SERPINB7: variants seen among roughly 807,000 people sequenced by gnomAD.
SERPINB7 encodes the protein serpin B7.
In SERPINB7, 31 loss-of-function variants were observed where a neutral mutation model predicts 37.4. The ratio of observed to expected loss-of-function variants is 0.83; its 90% CI spans 0.62 to 1.12. The LOEUF is 1.12. Among genes scored for constraint, SERPINB7 ranks in the 50% most tolerant of loss-of-function variants. The probability of loss-of-function intolerance (pLI) is 0.00; values close to 1 mark genes in which losing one functional copy is unlikely to be tolerated. For synonymous variants in SERPINB7, 163 were observed against 166.1 expected (o/e 0.98, Z 0.14); for missense variants, 521 against 455.3 (o/e 1.14, Z -1.31).
chr18:63,781,288 C>T (rs1287174920), intron 1 of SERPINB7, among the ~76,000 whole-genome samples: 1 of 152,128 alleles, frequency 6.6e-6, no homozygotes, highest in Admixed American at 6.5e-5. Flanking sequence ...TATGCTAGAT[C>T]CTGTACATAG....
intron 1 of SERPINB7, among the ~76,000 whole-genome samples, chr18:63,765,695 T>C (rs1568200972): frequency 6.6e-6 from 1 of 152,152 alleles, no homozygotes; most frequent in Non-Finnish European, 1.5e-5. Flanking sequence ...GCTCCATTCT[T>C]ATATTTTAGA....
Position 63,775,449 on chromosome 18 carries a change from G to C in SERPINB7, c.-286G>C, listed in dbSNP as rs2049238017. Reference sequence around the variant, plus strand: ...AAGCAGCTGCCTGTGCAGAGTGCAGGCTGCACCTTTGGACAGCCTTTAAAA... The same window carrying C: ...AAGCAGCTGCCTGTGCAGAGTGCAGCCTGCACCTTTGGACAGCCTTTAAAA... On this transcript the variant is annotated 5_prime_UTR_variant, in exon 1 of 8. Coordinates refer to ENST00000398019, the MANE Select transcript of SERPINB7 (RefSeq NM_003784.4). 1 of 152,172 alleles carries C rather than the reference G, an allele frequency of 6.6e-6. No individual in the cohort carries two copies. Among genetic ancestry groups the C allele is most frequent in the Non-Finnish European group, 1.5e-5 (1 of 68,030 alleles). The allele number at this position is 152,172 out of a possible 1,614,324, so 9.4% of individuals were successfully genotyped here. A position where few individuals can be genotyped will look rare whatever the true frequency, so the allele number is the denominator to read the frequency against.
chr18:63,765,672 C>A (rs1275590312), intron 1 of SERPINB7, among the ~76,000 whole-genome samples: 2 of 152,076 alleles, frequency 1.3e-5, no homozygotes, highest in Non-Finnish European at 1.5e-5. Context: ...TCCTCTCCTG[C>A]TCATATACTG....
Position 63,793,210 on chromosome 18 carries a change from C to G in SERPINB7, c.269C>G (p.Ser90Cys). ...LKRVFSDINA[S>C]HKDYDLSIVN... ...AGAGTTTTTTCTGATATAAATGCATCCCACAAGGATTATGATCTCAGCATT... is the reference window on the plus strand; with the variant it reads ...AGAGTTTTTTCTGATATAAATGCATGCCACAAGGATTATGATCTCAGCATT... Residue 90 changes from serine to cysteine, a missense_variant, in exon 4 of 8, where the codon TCC (serine) becomes TGC (cysteine). Ser to Cys is a moderately radical substitution (Grantham distance 112, BLOSUM62 -1). Coordinates refer to ENST00000398019, the MANE Select transcript of SERPINB7 (RefSeq NM_003784.4). 6.2e-7 allele frequency: 1 copy of G among 1,606,970 alleles called. No individual in the cohort carries two copies. The highest frequency in any genetic ancestry group is 8.5e-7 in the Non-Finnish European group (1 of 1,175,914).
chr18:63,768,072 G>C (rs1247896309), intron 1 of SERPINB7, among the ~76,000 whole-genome samples: 2 of 152,022 alleles, frequency 1.3e-5, no homozygotes, highest in African/African-American at 4.8e-5. Flanking sequence ...TTTAGTGACA[G>C]TCTCGTTAGG....
intron 1 of SERPINB7, among the ~76,000 whole-genome samples, chr18:63,762,486 G>A (rs2049159674): frequency 6.6e-6 from 1 of 152,154 alleles, no homozygotes; most frequent in South Asian, 2.1e-4. Flanking sequence ...GGTGCTTGAA[G>A]ACACTGAGGC....
At chr18:63,773,006 T>C (rs1462093645), upstream of SERPINB7, among the ~76,000 whole-genome samples, 8 of 152,108 alleles carry the variant, frequency 5.3e-5, no homozygotes, top group Non-Finnish European at 1.2e-4. Flanking sequence ...GGAGGAATTA[T>C]AGCAAAAAGA....
intron 2 of SERPINB7, among the ~76,000 whole-genome samples, chr18:63,785,557 T>C (rs999245483): frequency 6.6e-6 from 1 of 152,128 alleles, no homozygotes; most frequent in Non-Finnish European, 1.5e-5. Flanking sequence ...ATATATAGTA[T>C]AGAGTAAATA....
chr18:63,773,992 A>G (rs1299996560), upstream of SERPINB7, among the ~76,000 whole-genome samples: 2 of 152,092 alleles, frequency 1.3e-5, no homozygotes, highest in Non-Finnish European at 2.9e-5. Flanking sequence ...TTATATCCTC[A>G]GTAGGTAAGA....
intron 1 of SERPINB7, among the ~76,000 whole-genome samples, chr18:63,780,416 A>G (rs1214842984): frequency 6.6e-6 from 1 of 152,190 alleles, no homozygotes; most frequent in Admixed American, 6.5e-5. Context: ...GGTCAAAAAT[A>G]TGAATTGAAT....
chr18:63,786,712 A>G (rs2144621601), intron 2 of SERPINB7, among the ~76,000 whole-genome samples: 1 of 152,294 alleles, frequency 6.6e-6, no homozygotes, highest in Non-Finnish European at 1.5e-5. Flanking sequence ...TGAATTCATA[A>G]ACCATTTATC....
intron 3 of SERPINB7, 65 bp from the exon 4 acceptor site, chr18:63,793,096 G>C (rs2049446233): frequency 1.2e-6 from 1 of 820,588 alleles, no homozygotes; most frequent in Admixed American, 2.5e-5. Flanking sequence ...TGTTTTATGT[G>C]TAAGTGAGAT....
chr18:63,800,245 A>G (rs1055256851), intron 6 of SERPINB7, among the ~76,000 whole-genome samples: 1 of 151,740 alleles, frequency 6.6e-6, no homozygotes, highest in African/African-American at 2.4e-5. Flanking sequence ...TATTTTTAGT[A>G]GAGATGCAGT....
At chr18:63,757,185 C>T (rs978146582) in intron 1 of SERPINB7, among the ~76,000 whole-genome samples, 1 of 151,968 alleles carries the variant, frequency 6.6e-6, no homozygotes, top group Non-Finnish European at 1.5e-5. Flanking sequence ...CATTCTTTGT[C>T]TAGGAAATTC....
intron 4 of SERPINB7, among the ~76,000 whole-genome samples, chr18:63,794,426 C>T (rs532866306): frequency 1.9e-4 from 29 of 152,202 alleles, no homozygotes; most frequent in African/African-American, 6.5e-4. Context: ...TGCGGTGGCT[C>T]ACGCCTGTAA....
At chr18:63,773,245 G>C (rs1305650809), upstream of SERPINB7, among the ~76,000 whole-genome samples, 1 of 152,044 alleles carries the variant, frequency 6.6e-6, no homozygotes, top group Non-Finnish European at 1.5e-5. Flanking sequence ...TTGGTAAACA[G>C]AGTTTATATA....
At chr18:63,755,001 G>A (rs1490196483) in intron 1 of SERPINB7, among the ~76,000 whole-genome samples, 6 of 142,378 alleles carry the variant, frequency 4.2e-5, no homozygotes, top group African/African-American at 1.6e-4. Flanking sequence ...CCGGGTTCAC[G>A]CCATTCTCCT....
At chr18:63,784,017 A>T (rs1246029098) in intron 2 of SERPINB7, among the ~76,000 whole-genome samples, 1 of 152,232 alleles carries the variant, frequency 6.6e-6, no homozygotes, top group Non-Finnish European at 1.5e-5. Context: ...AGTACATAGG[A>T]TACAACACTT....
intron 2 of SERPINB7, among the ~76,000 whole-genome samples, chr18:63,792,090 A>T (rs2049435018): frequency 6.6e-6 from 1 of 152,228 alleles, no homozygotes; most frequent in Admixed American, 6.5e-5. Context: ...GACAAGCATG[A>T]TTTAATTGGA....
Sources: gnomAD v4.1 joint callset for allele counts (sites outside exome capture counted in the v4.1 genomes callset) on GRCh38, gnomAD v4.1.1 for gene constraint, MANE v1.5 for transcripts, NCBI Gene and HGNC (gene_info 2026-07-23, HGNC 2026-07-21) for gene names.